LEP: variants seen among roughly 807,000 people sequenced by gnomAD.
The protein encoded by LEP is leptin (murine obesity homolog).
LEP carries 6 observed loss-of-function variants against 9.8 expected under a neutral mutation model. The observed-to-expected ratio is 0.61, with a 90% CI of 0.34 to 1.21. The LOEUF (loss-of-function observed/expected upper bound fraction) is 1.21. LEP is among the 50% of genes most tolerant of loss of function. The pLI is 0.04. For missense variants in LEP, 134 were observed against 198.1 expected, an observed-to-expected ratio of 0.68 and a Z score of 1.94; for synonymous variants, 112 against 81.7, an observed-to-expected ratio of 1.37 and a Z score of -2.00.
chr7:128,251,967 G>T (rs28954107), intron 1 of LEP, 24 bp from the exon 2 acceptor site: 332 of 1,596,328 alleles, frequency 2.1e-4, no homozygotes, highest in Non-Finnish European at 2.7e-4. Context: ...GCTCCTTGCA[G>T]TGTGTGGTTC....
At chr7:128,244,575 A>G (rs1795189799) in intron 1 of LEP, among the ~76,000 whole-genome samples, 1 of 152,228 alleles carries the variant, frequency 6.6e-6, no homozygotes, top group African/African-American at 2.4e-5. Flanking sequence ...TTTCTCTTAC[A>G]TGTATCTATC....
intron 1 of LEP, among the ~76,000 whole-genome samples, chr7:128,242,836 C>T (rs546240724): frequency 7.2e-5 from 11 of 152,264 alleles, no homozygotes; most frequent in South Asian, 2.1e-4. Context: ...TGGAGGTGGC[C>T]GCCACGGAAC....
chr7:128,254,991 AC>A lies in LEP; in HGVS notation c.*231del. 1.8e-6 allele frequency: 1 copy of A among 557,346 alleles called. No homozygotes were observed. Among genetic ancestry groups the A allele is most frequent in the Non-Finnish European group, 3.2e-6 (1 of 309,788 alleles). 34.5% of individuals were successfully genotyped at this position (557,346 alleles called of 1,614,324 possible). ...CCTATTCTCACCAGGAAGGGGGTCC[AC>A]CCAGCAAAGAGTGGGCTGCATCTGG... On this transcript the variant is annotated 3_prime_UTR_variant, in exon 3 of 3. Transcript: ENST00000308868.
rs767150017 is a variant in LEP at position 128,252,052 on chromosome 7, C to A, written c.34C>A (p.Leu12Ile). The A allele has an allele frequency of 1.2e-6, 2 of 1,614,192 alleles. No homozygotes were observed. The highest frequency in any genetic ancestry group is 3.3e-5 in the Admixed American group (2 of 60,018). ...HWGTLCGFLW[L>I]WPYLFYVQAV... ...GGGAACCCTGTGCGGATTCTTGTGG[C>A]TTTGGCCCTATCTTTTCTATGTCCA... Residue 12 changes from leucine (L) to isoleucine (I), a missense_variant, in exon 2 of 3, where the codon CTT (leucine) becomes ATT (isoleucine). Transcript: ENST00000308868.
At chr7:128,250,039 G>A (rs1396300353) in intron 1 of LEP, among the ~76,000 whole-genome samples, 1 of 152,156 alleles carries the variant, frequency 6.6e-6, no homozygotes, top group African/African-American at 2.4e-5. Flanking sequence ...CAGTTAATCT[G>A]GTAATAAATT....
intron 1 of LEP, 139 bp downstream of exon 1, chr7:128,241,445 C>T (rs2116197993): frequency 6.5e-6 from 1 of 153,124 alleles, no homozygotes; most frequent in East Asian, 1.9e-4. Context: ...ACTATGATAG[C>T]TTTGTACCGA....
In LEP at chr7:128,255,371, T is replaced by A. The variant is rs1371026083; in HGVS notation, c.*608T>A. 1.3e-5 allele frequency: 2 copies of A among 155,886 alleles called. No homozygotes were observed. Among genetic ancestry groups the A allele is most frequent in the African/African-American group, 4.8e-5 (2 of 41,432 alleles). 9.7% of individuals were successfully genotyped at this position (155,886 alleles called of 1,614,324 possible). ...TGCAGTTTCCAATCCCATAGATGGG[T>A]CTGGCTGAGCTGAACCCATTTTGAG... On this transcript the variant is annotated 3_prime_UTR_variant, in exon 3 of 3. Coordinates refer to ENST00000308868, the MANE Select transcript of LEP (RefSeq NM_000230.3).
chr7:128,248,526 G>A (rs891038624), intron 1 of LEP, among the ~76,000 whole-genome samples: 4 of 152,096 alleles, frequency 2.6e-5, no homozygotes, highest in African/African-American at 7.2e-5. Flanking sequence ...CTTGAACCCA[G>A]GAGGCAGAGA....
chr7:128,250,483 G>A (rs1397561569), intron 1 of LEP, among the ~76,000 whole-genome samples: 2 of 151,908 alleles, frequency 1.3e-5, no homozygotes, highest in Non-Finnish European at 2.9e-5. Context: ...AGCTGGAGGG[G>A]TGGGTGGCTC....
At chr7:128,248,527 G>A (rs1370334130) in intron 1 of LEP, among the ~76,000 whole-genome samples, 1 of 152,098 alleles carries the variant, frequency 6.6e-6, no homozygotes. Context: ...TTGAACCCAG[G>A]AGGCAGAGAT....
At position 128,254,777 on chromosome 7, in the gene LEP, A is replaced by G. The variant is rs972061944; in HGVS notation, c.*14A>G. 2.5e-6 allele frequency: 4 copies of G among 1,604,426 alleles called. No individual in the cohort carries two copies. The highest frequency in any genetic ancestry group is 3.4e-6 in the Non-Finnish European group (4 of 1,179,734). ...CCTGGGTGCTGAGGCCTTGAAGGTC[A>G]CTCTTCCTGCAAGGACTACGTTAAG... On this transcript the variant is annotated 3_prime_UTR_variant, in exon 3 of 3. Coordinates refer to ENST00000308868, the MANE Select transcript of LEP (RefSeq NM_000230.3).
intron 1 of LEP, among the ~76,000 whole-genome samples, chr7:128,249,429 T>C (rs1225025069): frequency 6.6e-6 from 1 of 152,148 alleles, no homozygotes; most frequent in Non-Finnish European, 1.5e-5. Context: ...ACCATATCTA[T>C]AGTCCAGGCA....
chr7:128,248,239 TG>T (rs981671001), intron 1 of LEP, among the ~76,000 whole-genome samples: 2 of 152,180 alleles, frequency 1.3e-5, no homozygotes, highest in African/African-American at 4.8e-5. Flanking sequence ...GAGACCAGCC[TG>T]GCCAACATGG....
intron 2 of LEP, among the ~76,000 whole-genome samples, chr7:128,253,121 T>A (rs1795294838): frequency 6.6e-6 from 1 of 152,136 alleles, no homozygotes; most frequent in Non-Finnish European, 1.5e-5. Flanking sequence ...CAGAGGGAGC[T>A]GTGAAGTTCC....
chr7:128,248,213 A>T (rs1205910884), intron 1 of LEP, among the ~76,000 whole-genome samples: 1 of 151,866 alleles, frequency 6.6e-6, no homozygotes, highest in Non-Finnish European at 1.5e-5. Flanking sequence ...GGTGGATTAC[A>T]TGAGGTCAGG....
At position 128,254,539 on chromosome 7, in the gene LEP, G is replaced by A. The variant is rs17151919; in HGVS notation, c.280G>A (p.Val94Met). Reference protein sequence around the residue: ...QILTSMPSRNVIQISNDLENL... With the variant: ...QILTSMPSRNMIQISNDLENL... ...CCTCACCAGTATGCCTTCCAGAAAC[G>A]TGATCCAAATATCCAACGACCTGGA... The change falls in exon 3 of 3, where the codon GTG (valine) becomes ATG (methionine). Residue 94 changes from valine (V) to methionine (M), a missense_variant. By Grantham distance (21) the Val-to-Met change is conservative (BLOSUM62 1). Coordinates refer to ENST00000308868, the MANE Select transcript of LEP (RefSeq NM_000230.3). The A allele has an allele frequency of 4.7e-3, 7,525 of 1,614,150 alleles. 286 individuals are homozygous for A. The African/African-American group carries it at 0.085, about 18-fold the overall frequency.
intron 1 of LEP, among the ~76,000 whole-genome samples, chr7:128,241,918 A>G (rs1459988465): frequency 6.6e-6 from 1 of 152,168 alleles, no homozygotes; most frequent in Non-Finnish European, 1.5e-5. Context: ...ATCTGTCCTC[A>G]AAGCCATGCA....
chr7:128,247,240 C>T (rs1049884295), intron 1 of LEP, among the ~76,000 whole-genome samples: 4 of 152,158 alleles, frequency 2.6e-5, no homozygotes, highest in South Asian at 2.1e-4. Flanking sequence ...ACAGCTGCAG[C>T]GGGCCCCTGG....
rs187586889 is a variant in LEP at position 128,244,534 on chromosome 7, G to A, written c.-29+3228G>A. The stretch of plus-strand genomic sequence containing the variant: ...AGACTCTCAAGAGTGCATTACCCAC[G>A]GTAAGGGTGAATTTTACTTCTTGAC... On this transcript the variant is annotated intron_variant, in intron 1 of 2. Coordinates refer to ENST00000308868, the MANE Select transcript of LEP (RefSeq NM_000230.3). Among the ~76,000 whole-genome samples, 64 of 152,198 alleles carry A rather than the reference G, an allele frequency of 4.2e-4. No individual in the cohort carries two copies. The East Asian group carries it at 8.9e-3, about 21-fold the overall frequency.
Sources: gnomAD v4.1 joint callset for allele counts (sites outside exome capture counted in the v4.1 genomes callset) on GRCh38, gnomAD v4.1.1 for gene constraint, MANE v1.5 for transcripts, NCBI Gene and HGNC (gene_info 2026-07-23, HGNC 2026-07-21) for gene names.